Variants in GTF3C1 observed in about 807,000 individuals in gnomAD.
GTF3C1 encodes general transcription factor 3C polypeptide 1.
GTF3C1 carries 57 observed loss-of-function variants against 226.7 expected under a neutral mutation model. The ratio of observed to expected loss-of-function variants is 0.25; its 90% CI spans 0.20 to 0.31. The LOEUF (loss-of-function observed/expected upper bound fraction) is 0.31, where lower values mean the gene tolerates loss of function less well. Ranked by LOEUF, GTF3C1 falls within the 10% of genes least tolerant of loss-of-function variation. GTF3C1 has a pLI of 1.00. For missense variants in GTF3C1, 2,217 were observed against 2,776.1 expected (o/e 0.80, Z 4.53); for synonymous variants, 1,090 against 1,084.8 (o/e 1.00, Z -0.09).
chr16:27,495,486 C>A lies in GTF3C1; in HGVS notation c.2357G>T (p.Gly786Val). Reference sequence around the variant, plus strand: ...CAGAAATCCTAGAGAACGCCCCAGTCCGGGAACTAAAGCAAGAGAGGGAGA... The same window carrying A: ...CAGAAATCCTAGAGAACGCCCCAGTACGGGAACTAAAGCAAGAGAGGGAGA... ...LRNYHPIVVP[G>V]LGRSLGFLPK... The change falls in exon 15 of 37, where the codon GGA becomes GTA. Residue 786 changes from glycine to valine, a missense_variant. By Grantham distance (109) the Gly-to-Val change is moderately radical. Around this residue, in one of 12 missense-constraint regions of GTF3C1, gnomAD observed 100 missense variants for 139.9 expected, o/e 0.71. Transcript: ENST00000356183. 6.2e-7 allele frequency: 1 copy of A among 1,612,574 alleles called. No individual in the cohort carries two copies. The highest frequency in any genetic ancestry group is 1.1e-5 in the South Asian group (1 of 90,834).
intron 2 of GTF3C1, among the ~76,000 whole-genome samples, chr16:27,538,644 C>T (rs1291965874): frequency 6.6e-6 from 1 of 152,194 alleles, no homozygotes; most frequent in Admixed American, 6.5e-5. Flanking sequence ...TCCAACTCCT[C>T]ATCCCACTCC....
chr16:27,515,149 A>C (rs1267103475), intron 6 of GTF3C1, among the ~76,000 whole-genome samples: 1 of 152,228 alleles, frequency 6.6e-6, no homozygotes, highest in Non-Finnish European at 1.5e-5. Context: ...ATAGTCTTCA[A>C]AGCTTCTGAT....
At chr16:27,493,858 T>C (rs1410961827) in intron 16 of GTF3C1, among the ~76,000 whole-genome samples, 1 of 151,814 alleles carries the variant, frequency 6.6e-6, no homozygotes, top group Non-Finnish European at 1.5e-5. Context: ...AAAAAGTTAA[T>C]GATGCAAAAA....
chr16:27,487,860 C>T (rs978848789), intron 23 of GTF3C1, among the ~76,000 whole-genome samples: 1 of 152,140 alleles, frequency 6.6e-6, no homozygotes, highest in African/African-American at 2.4e-5. Context: ...AGCATAAACA[C>T]AGATATTAAA....
intron 24 of GTF3C1, among the ~76,000 whole-genome samples, chr16:27,484,939 C>T (rs965616028): frequency 8.5e-5 from 13 of 152,242 alleles, no homozygotes; most frequent in Non-Finnish European, 2.9e-5. Flanking sequence ...TCCATCAACA[C>T]TGACCTATGC....
In GTF3C1 at chr16:27,501,471, C is replaced by T. The variant is rs1399176332; in HGVS notation, c.1908-127G>A. 4.8e-6 allele frequency: 4 copies of T among 839,408 alleles called. No homozygotes were observed. The South Asian group carries it at 6.3e-5, about 13-fold the overall frequency. The allele number at this position is 839,408 out of a possible 1,614,324, so 52.0% of individuals were successfully genotyped here. A position where few individuals can be genotyped will look rare whatever the true frequency, so the allele number is the denominator to read the frequency against. ...AAGGAAGGATCAAACGGGGTTTCCC[C>T]ACCCTGGAAAGACTGATTTCTTGAG... is the stretch of plus-strand genomic sequence containing the variant. On this transcript the variant is annotated intron_variant, in intron 11 of 36. Coordinates refer to ENST00000356183, the MANE Select transcript of GTF3C1 (RefSeq NM_001520.4).
intron 17 of GTF3C1, 79 bp downstream of exon 17, chr16:27,493,120 G>A (rs908230699): frequency 2.6e-6 from 2 of 777,044 alleles, no homozygotes; most frequent in Non-Finnish European, 4.6e-6. Flanking sequence ...TCCTCTTCCT[G>A]GTGAATGATG....
At chr16:27,528,743 G>A in intron 5 of GTF3C1, 22 bp from the exon 6 acceptor site, 2 of 1,609,836 alleles carry the variant, frequency 1.2e-6, no homozygotes, top group Non-Finnish European at 1.7e-6. Flanking sequence ...CAATTTAAAG[G>A]CTACTATTAG....
rs1333227820 is a variant in GTF3C1 at position 27,461,658 on chromosome 16, G to A, written c.6118-96C>T. ...TTATGGAATGCCCCCTCTGTACCAGGGAGCCACTTCCCAGAGCAGGGGGCA... is the reference window on the plus strand; with the variant it reads ...TTATGGAATGCCCCCTCTGTACCAGAGAGCCACTTCCCAGAGCAGGGGGCA... On this transcript the variant is annotated intron_variant, in intron 36 of 36. Transcript: ENST00000356183. This position sits in a 1 kb window ranked among gnomAD's most constrained non-coding sequence, Gnocchi z 5.3. 2.2e-6 allele frequency: 2 copies of A among 927,880 alleles called. No individual in the cohort carries two copies. Among genetic ancestry groups the A allele is most frequent in the Non-Finnish European group, 1.7e-6 (1 of 596,970 alleles). The allele number at this position is 927,880 out of a possible 1,614,324, so 57.5% of individuals were successfully genotyped here. A position where few individuals can be genotyped will look rare whatever the true frequency, so the allele number is the denominator to read the frequency against.
chr16:27,516,286 G>T (rs951416572), intron 6 of GTF3C1, among the ~76,000 whole-genome samples: 1 of 152,238 alleles, frequency 6.6e-6, no homozygotes, highest in Non-Finnish European at 1.5e-5. Context: ...AGAGGACTAT[G>T]AGCTGTTCTG....
intron 29 of GTF3C1, among the ~76,000 whole-genome samples, chr16:27,474,224 C>A (rs1216135169): frequency 1.3e-5 from 2 of 152,200 alleles, no homozygotes; most frequent in South Asian, 4.1e-4. Flanking sequence ...AGGGAGGCTA[C>A]GCAGGCCGGT....
In GTF3C1 at chr16:27,507,636, A is replaced by G. The variant is rs749197009; in HGVS notation, c.1243-480T>C. Among the ~76,000 whole-genome samples, 4 of 152,232 alleles carry G rather than the reference A, an allele frequency of 2.6e-5. No homozygotes were observed. Among genetic ancestry groups the G allele is most frequent in the Non-Finnish European group, 5.9e-5 (4 of 68,036 alleles). ...TAGAACAGGGCAAGGGGCTCTTCCC[A>G]GGGCCTTTGATAGGAAAAGAGTAAC... On this transcript the variant is annotated intron_variant, in intron 8 of 36. Coordinates refer to ENST00000356183, the MANE Select transcript of GTF3C1 (RefSeq NM_001520.4). This position sits in a 1 kb window ranked among gnomAD's most constrained non-coding sequence, Gnocchi z 4.9.
At chr16:27,465,827 C>A in intron 32 of GTF3C1, 1 of 444,392 alleles carries the variant, frequency 2.3e-6, no homozygotes, top group Admixed American at 3.5e-5. Flanking sequence ...GCACAGAGGC[C>A]GAGGACTGAG....
At position 27,492,630 on chromosome 16, in the gene GTF3C1, T is replaced by C; in HGVS notation, c.2960A>G (p.Gln987Arg). The C allele has an allele frequency of 1.3e-6, 2 of 1,594,172 alleles. No individual in the cohort carries two copies. Among genetic ancestry groups the C allele is most frequent in the Non-Finnish European group, 1.7e-6 (2 of 1,161,772 alleles). The stretch of plus-strand genomic sequence containing the variant: ...GAGGGACATTACCTGATCTTTATCC[T>C]GAAACTTTTCCGTGGGACCAAACTG... The part of the protein sequence containing the change: ...LLQFGPTEKF[Q>R]DKDQVFIFLK... Residue 987 changes from glutamine (Q) to arginine (R), a missense_variant, in exon 18 of 37, where the codon CAG becomes CGG. This residue lies in a region of GTF3C1 where 353 missense variants were observed against 411.7 expected (regional missense o/e 0.86). Transcript: ENST00000356183. This position sits in a 1 kb window ranked among gnomAD's most constrained non-coding sequence, Gnocchi z 5.0.
rs765011621 is a variant in GTF3C1 at position 27,506,833 on chromosome 16, C to G, written c.1552+14G>C. ...CAGTGCACGCAGCCCCTGCCCACCC[C>G]ACGTGCTCCCTACCCTTGGTTGGGG... On this transcript the variant is annotated intron_variant, in intron 9 of 36. Coordinates refer to ENST00000356183, the MANE Select transcript of GTF3C1 (RefSeq NM_001520.4). 8 of 1,586,678 alleles carry G rather than the reference C, an allele frequency of 5.0e-6. No individual in the cohort carries two copies. In the East Asian group the frequency reaches 1.6e-4, roughly 31 times the overall value.
In GTF3C1 at chr16:27,471,534, C is replaced by T. The variant is rs1313065368; in HGVS notation, c.4526+214G>A. 1.9e-6 allele frequency: 1 copy of T among 518,190 alleles called. No homozygotes were observed. The highest frequency in any genetic ancestry group is 3.0e-5 in the East Asian group (1 of 32,886). 32.1% of individuals were successfully genotyped at this position (518,190 alleles called of 1,614,324 possible). Reference sequence around the variant, plus strand: ...ACAAACCACCTGCAAAATGGTAACGCCGCCAACACAAAGAAGCTGCCAGCG... The same window carrying T: ...ACAAACCACCTGCAAAATGGTAACGTCGCCAACACAAAGAAGCTGCCAGCG... On this transcript the variant is annotated intron_variant, in intron 30 of 36. Coordinates refer to ENST00000356183, the MANE Select transcript of GTF3C1 (RefSeq NM_001520.4). The surrounding 1 kb of genome is among the most constrained non-coding windows in gnomAD (Gnocchi z 5.0).
At chr16:27,497,237 A>G (rs2141388037) in intron 14 of GTF3C1, among the ~76,000 whole-genome samples, 1 of 152,350 alleles carries the variant, frequency 6.6e-6, no homozygotes, top group Non-Finnish European at 1.5e-5. Flanking sequence ...AACTCTGAGG[A>G]AATTATAGGA....
chr16:27,483,192 A>G, intron 25 of GTF3C1, 67 bp from the exon 26 acceptor site: 2 of 1,465,704 alleles, frequency 1.4e-6, no homozygotes, highest in East Asian at 2.3e-5. Flanking sequence ...GAACCTTCAG[A>G]GAGCTCCATT....
Position 27,508,112 on chromosome 16 carries a change from C to A in GTF3C1, c.1242+428G>T, listed in dbSNP as rs1356610313. ...GCAACCTCTGCCTCCTGGGTTCAAGCAATTCTCCTGCCTCAGCCTCCTGAG... is the reference window on the plus strand; with the variant it reads ...GCAACCTCTGCCTCCTGGGTTCAAGAAATTCTCCTGCCTCAGCCTCCTGAG... On this transcript the variant is annotated intron_variant, in intron 8 of 36. Transcript: ENST00000356183. Among the ~76,000 whole-genome samples the A allele has an allele frequency of 3.3e-5, 5 of 152,370 alleles. No homozygotes were observed. In the East Asian group the frequency reaches 9.6e-4, roughly 29 times the overall value.
Sources: allele counts gnomAD v4.1 joint callset (sites outside exome capture counted in the v4.1 genomes callset), GRCh38; gene constraint gnomAD v4.1.1; regional missense constraint gnomAD v4.1.1; non-coding constraint Gnocchi (gnomAD v3.1); transcripts MANE v1.5; gene names NCBI Gene and HGNC (gene_info 2026-07-23, HGNC 2026-07-21).